CFHR3: variants seen among roughly 807,000 people sequenced by gnomAD.
CFHR3 encodes the protein complement factor H-related protein 3.
CFHR3 carries 22 observed loss-of-function variants against 36.0 expected under a neutral mutation model. That is an observed-to-expected ratio of 0.61 (90% CI 0.44 to 0.87). The LOEUF (loss-of-function observed/expected upper bound fraction) is 0.87. CFHR3 is among the 40% of genes least tolerant of loss of function. The pLI is 0.00. For missense variants in CFHR3, 276 were observed against 401.3 expected (o/e 0.69, Z 2.67); for synonymous variants, 97 against 137.4 (o/e 0.71, Z 2.06).
At chr1:196,778,955 T>C (rs1050569774) in intron 1 of CFHR3, among the ~76,000 whole-genome samples, 9 of 136,706 alleles carry the variant, frequency 6.6e-5, no homozygotes, top group East Asian at 1.9e-4. Context: ...ATTTTAAGTG[T>C]AGAAATAAAA....
chr1:196,776,857 C>T lies in CFHR3; in HGVS notation c.58+1913C>T, dbSNP rs1363654070. The stretch of plus-strand genomic sequence containing the variant: ...AGGATATATATATATATATACCCAC[C>T]AACACAGATTTTAGAGGGTATTCAT... On this transcript the variant is annotated intron_variant, in intron 1 of 5. Transcript: ENST00000367425. 1.5e-5 allele frequency among the ~76,000 whole-genome samples: 2 copies of T among 132,560 alleles called. 1 individual carries two copies. The highest frequency in any genetic ancestry group is 6.5e-5 in the African/African-American group (2 of 30,998). The allele number at this position is 132,560 out of a possible 152,430, so 87.0% of individuals were successfully genotyped here.
rs555290227 is a variant in CFHR3, at chr1:196,775,759, G to A, written c.58+815G>A. On this transcript the variant is annotated intron_variant, in intron 1 of 5. Transcript: ENST00000367425. ...GGTCAAAAATCATGGACAATCAAGG[G>A]TGTGTGTCCATTAATGAAGAATACA... 2.9e-5 allele frequency among the ~76,000 whole-genome samples: 4 copies of A among 136,920 alleles called. No homozygotes were observed. The East Asian group carries it at 5.9e-4, about 20-fold the overall frequency. 89.8% of individuals were successfully genotyped at this position (136,920 alleles called of 152,430 possible). A position where few individuals can be genotyped will look rare whatever the true frequency, so the allele number is the denominator to read the frequency against.
intron 4 of CFHR3, chr1:196,789,082 C>G: frequency 9.0e-7 from 1 of 1,113,220 alleles, no homozygotes; most frequent in Non-Finnish European, 1.1e-6. Flanking sequence ...CTTTCAGTGG[C>G]AAAAGTTGAT....
rs1653853679 is a variant in CFHR3 at position 196,779,367 on chromosome 1, C to G, written c.253+11C>G. ...CAGTACCATGTCTCAGTAAGTAATCCTCTGAACTGCTACACATGTATAAAA... is the reference window on the plus strand; with the variant it reads ...CAGTACCATGTCTCAGTAAGTAATCGTCTGAACTGCTACACATGTATAAAA... On this transcript the variant is annotated intron_variant, in intron 2 of 5. Coordinates refer to ENST00000367425, the MANE Select transcript of CFHR3 (RefSeq NM_021023.6). 2.8e-6 allele frequency: 4 copies of G among 1,442,070 alleles called. 1 individual carries two copies. The highest frequency in any genetic ancestry group is 3.8e-6 in the Non-Finnish European group (4 of 1,052,236). 89.3% of individuals were successfully genotyped at this position (1,442,070 alleles called of 1,614,324 possible). A position where few individuals can be genotyped will look rare whatever the true frequency, so the allele number is the denominator to read the frequency against.
chr1:196,775,042 A>G (rs1653656977), intron 1 of CFHR3, 98 bp downstream of exon 1: 1 of 1,080,396 alleles, frequency 9.3e-7, no homozygotes, highest in Admixed American at 1.8e-5. Context: ...TGAATCAAAG[A>G]GGATTTATTC....
intron 4 of CFHR3, chr1:196,788,680 A>G: frequency 6.9e-7 from 1 of 1,454,148 alleles, no homozygotes; most frequent in East Asian, 2.5e-5. Flanking sequence ...GAGTATCAGC[A>G]AAATATGTTA....
intron 3 of CFHR3, among the ~76,000 whole-genome samples, chr1:196,784,566 T>C (rs1654107975): frequency 7.3e-6 from 1 of 136,426 alleles, no homozygotes; most frequent in Non-Finnish European, 1.5e-5. Flanking sequence ...AATGGCCTTC[T>C]TTGTCTCTTT....
At chr1:196,786,269 G>A (rs1410658351) in intron 3 of CFHR3, among the ~76,000 whole-genome samples, 3 of 135,846 alleles carry the variant, frequency 2.2e-5, no homozygotes, top group Non-Finnish European at 4.7e-5. Context: ...ACCAACTTGA[G>A]GAGGCAGTCT....
chr1:196,779,903 T>C lies in CFHR3; in HGVS notation c.360T>C (p.Leu120=). Residue 120 remains leucine, a synonymous_variant, in exon 3 of 6, where the codon CTT becomes CTC. Transcript: ENST00000367425. ...TEVACHPGYG[L]PKAQTTVTCT... is the part of the protein sequence containing the mutation. Reference sequence around the variant, plus strand: ...TTGCCTGCCATCCTGGCTACGGTCTTCCAAAAGCGCAGACCACAGTTACAT... The same window carrying C: ...TTGCCTGCCATCCTGGCTACGGTCTCCCAAAAGCGCAGACCACAGTTACAT... 6.5e-7 allele frequency: 1 copy of C among 1,533,434 alleles called. No homozygotes were observed. Among genetic ancestry groups the C allele is most frequent in the African/African-American group, 1.6e-5 (1 of 60,618 alleles). 95.0% of individuals were successfully genotyped at this position (1,533,434 alleles called of 1,614,324 possible). A position where few individuals can be genotyped will look rare whatever the true frequency, so the allele number is the denominator to read the frequency against.
In CFHR3 at chr1:196,779,349, A is replaced by T. The variant is rs745555029; in HGVS notation, c.246A>T (p.Pro82=). 35 of 1,505,252 alleles carry T rather than the reference A, an allele frequency of 2.3e-5. 4 individuals carry two copies. Among genetic ancestry groups the T allele is most frequent in the Non-Finnish European group, 2.9e-5 (32 of 1,108,560 alleles). 93.2% of individuals were successfully genotyped at this position (1,505,252 alleles called of 1,614,324 possible). A position where few individuals can be genotyped will look rare whatever the true frequency, so the allele number is the denominator to read the frequency against. Residue 82 remains proline (P), a synonymous_variant, in exon 2 of 6, where the codon CCA becomes CCT. Coordinates refer to ENST00000367425, the MANE Select transcript of CFHR3 (RefSeq NM_021023.6). ...AAAATGGGTGGTCACCAGCAGTACC[A>T]TGTCTCAGTAAGTAATCCTCTGAAC... ...CTQNGWSPAV[P]CLRKCYFPYL... is the part of the protein sequence containing the mutation.
rs1654343177 is a variant in CFHR3, at chr1:196,789,612, T to A, written c.614-433T>A. ...TAACTACATAAATGGTTACATTAAC[T>A]TTTAAATTCACAAATTTAAAAGCGG... On this transcript the variant is annotated intron_variant, in intron 4 of 5. Transcript: ENST00000367425. 8 of 1,367,916 alleles carry A rather than the reference T, an allele frequency of 5.8e-6. No homozygotes were observed. The East Asian group carries it at 1.7e-4, about 29-fold the overall frequency. 84.7% of individuals were successfully genotyped at this position (1,367,916 alleles called of 1,614,324 possible).
At position 196,774,881 on chromosome 1, in the gene CFHR3, T is replaced by C. The variant is rs1477792151; in HGVS notation, c.-6T>C. 2.6e-6 allele frequency: 4 copies of C among 1,523,872 alleles called. 1 individual carries two copies. Among genetic ancestry groups the C allele is most frequent in the Non-Finnish European group, 3.6e-6 (4 of 1,125,466 alleles). 94.4% of individuals were successfully genotyped at this position (1,523,872 alleles called of 1,614,324 possible). On this transcript the variant is annotated 5_prime_UTR_variant, in exon 1 of 6. Coordinates refer to ENST00000367425, the MANE Select transcript of CFHR3 (RefSeq NM_021023.6). Reference sequence around the variant, plus strand: ...TTGTATTAGCATACTACTGAGAATATCTAACATGTTGTTACTAATCAATGT... The same window carrying C: ...TTGTATTAGCATACTACTGAGAATACCTAACATGTTGTTACTAATCAATGT...
intron 3 of CFHR3, among the ~76,000 whole-genome samples, chr1:196,784,397 G>A (rs1455420291): frequency 1.5e-5 from 2 of 135,992 alleles, no homozygotes; most frequent in African/African-American, 3.1e-5. Flanking sequence ...AATGTTGACA[G>A]TGGTGTGTTA....
chr1:196,792,944 G>T lies in CFHR3; in HGVS notation c.797-373G>T, dbSNP rs181640293. ...TACATTTGGAGTGCTTGTAGTCACG[G>T]CTTGTCGAATGGGGGAAAGGAGGAT... On this transcript the variant is annotated intron_variant, in intron 5 of 5. Transcript: ENST00000367425. 4.0e-4 allele frequency among the ~76,000 whole-genome samples: 55 copies of T among 135,980 alleles called. 7 individuals are homozygous for T. Among genetic ancestry groups the T allele is most frequent in the Admixed American group, 3.4e-3 (48 of 14,098 alleles). The allele number at this position is 135,980 out of a possible 152,430, so 89.2% of individuals were successfully genotyped here. A position where few individuals can be genotyped will look rare whatever the true frequency, so the allele number is the denominator to read the frequency against.
chr1:196,785,765 G>A (rs1306781344), intron 3 of CFHR3, among the ~76,000 whole-genome samples: 1 of 136,176 alleles, frequency 7.3e-6, no homozygotes, highest in African/African-American at 3.1e-5. Context: ...CCTGTAGCTT[G>A]GAGTAGTTTG....
In CFHR3 at chr1:196,783,677, A is replaced by G. The variant is rs1340167353; in HGVS notation, c.430+3704A>G. Among the ~76,000 whole-genome samples the G allele has an allele frequency of 7.4e-5, 10 of 135,032 alleles. 3 individuals are homozygous for G. The highest frequency in any genetic ancestry group is 3.1e-4 in the African/African-American group (10 of 31,832). 88.6% of individuals were successfully genotyped at this position (135,032 alleles called of 152,430 possible). ...CCCTTTATCATTTTTTATTGTGTCT[A>G]TTTGATTCATCTCTCTTTTTTTCTT... is the stretch of plus-strand genomic sequence containing the variant. On this transcript the variant is annotated intron_variant, in intron 3 of 5. Transcript: ENST00000367425.
intron 1 of CFHR3, 145 bp from the exon 2 acceptor site, chr1:196,779,017 T>G: frequency 4.7e-6 from 3 of 639,404 alleles, no homozygotes; most frequent in Non-Finnish European, 7.9e-6. Context: ...ATTATACAGA[T>G]GAGAGGTCAG....
Position 196,789,640 on chromosome 1 carries a change from T to A in CFHR3, c.614-405T>A. ...TAAATTCACAAATTTAAAAGCGGTTTAAGCTCCGTGACACATTGGACTACG... is the reference window on the plus strand; with the variant it reads ...TAAATTCACAAATTTAAAAGCGGTTAAAGCTCCGTGACACATTGGACTACG... On this transcript the variant is annotated intron_variant, in intron 4 of 5. Coordinates refer to ENST00000367425, the MANE Select transcript of CFHR3 (RefSeq NM_021023.6). 2.8e-6 allele frequency: 4 copies of A among 1,423,626 alleles called. 1 individual carries two copies. Among genetic ancestry groups the A allele is most frequent in the Non-Finnish European group, 3.7e-6 (4 of 1,067,240 alleles). The allele number at this position is 1,423,626 out of a possible 1,614,324, so 88.2% of individuals were successfully genotyped here.
intron 3 of CFHR3, among the ~76,000 whole-genome samples, chr1:196,786,270 G>A (rs1433901220): frequency 7.4e-6 from 1 of 135,722 alleles, no homozygotes; most frequent in Non-Finnish European, 1.6e-5. Context: ...CCAACTTGAG[G>A]AGGCAGTCTG....
Sources: allele counts gnomAD v4.1 joint callset (sites outside exome capture counted in the v4.1 genomes callset), GRCh38; gene constraint gnomAD v4.1.1; transcripts MANE v1.5; gene names NCBI Gene and HGNC (gene_info 2026-07-23, HGNC 2026-07-21).